GAB2: variants seen among roughly 807,000 people sequenced by gnomAD.
GAB2 encodes GRB2 associated binding protein 2.
A neutral mutation model predicts 65.5 loss-of-function variants in GAB2; 26 were observed. The ratio of observed to expected loss-of-function variants is 0.40; its 90% CI spans 0.29 to 0.55. The LOEUF is 0.55. GAB2 is among the 20% of genes least tolerant of loss of function. GAB2 has a pLI of 0.53. For synonymous variants in GAB2, 321 were observed against 329.6 expected (o/e 0.97, Z 0.28); for missense variants, 884 against 875.8 (o/e 1.01, Z -0.12).
At chr11:78,284,555 C>T (rs758541071) in intron 1 of GAB2, among the ~76,000 whole-genome samples, 14 of 152,190 alleles carry the variant, frequency 9.2e-5, no homozygotes, top group Non-Finnish European at 1.5e-4. Context: ...TCCTGCCTCA[C>T]GGTCTTTAGT....
intron 2 of GAB2, among the ~76,000 whole-genome samples, chr11:78,274,263 GAGAA>G (rs1182522937): frequency 6.6e-6 from 1 of 152,100 alleles, no homozygotes; most frequent in Non-Finnish European, 1.5e-5. Flanking sequence ...ACAAATGAGA[GAGAA>G]AGACAGACAC....
chr11:78,390,546 G>A (rs1288198404), intron 1 of GAB2, among the ~76,000 whole-genome samples: 1 of 152,200 alleles, frequency 6.6e-6, no homozygotes, highest in Non-Finnish European at 1.5e-5. Flanking sequence ...TCAAGATGGT[G>A]CCATTGCACT....
chr11:78,323,057 G>A (rs1250056235), intron 1 of GAB2, among the ~76,000 whole-genome samples: 1 of 152,170 alleles, frequency 6.6e-6, no homozygotes, highest in Admixed American at 6.5e-5. Context: ...AGCAAAGACA[G>A]GGAATCAACC....
At chr11:78,329,213 G>T (rs7117238) in intron 1 of GAB2, among the ~76,000 whole-genome samples, 2 of 151,912 alleles carry the variant, frequency 1.3e-5, no homozygotes, top group Non-Finnish European at 2.9e-5. Flanking sequence ...TAGCAAAAAT[G>T]AAGAACATTT....
intron 2 of GAB2, among the ~76,000 whole-genome samples, chr11:78,261,471 T>A (rs1172178543): frequency 6.6e-6 from 1 of 152,160 alleles, no homozygotes; most frequent in Non-Finnish European, 1.5e-5. Context: ...GTTTTCTGGG[T>A]TGTGTGTATT....
chr11:78,220,443 T>C lies in GAB2; in HGVS notation c.1763A>G (p.Gln588Arg). 1 of 1,570,242 alleles carries C rather than the reference T, an allele frequency of 6.4e-7. No homozygotes were observed. Among genetic ancestry groups the C allele is most frequent in the Non-Finnish European group, 8.7e-7 (1 of 1,150,866 alleles). The change falls in exon 9 of 10, where the codon CAA becomes CGA. Residue 588 changes from glutamine to arginine, a missense_variant and splice_region_variant. Physicochemically the swap from Gln to Arg is conservative, Grantham distance 43. Transcript: ENST00000361507. ...AACGGGAGATGCAGACACTGGGTTT[T>C]GCTGTCACGAGGAGGAAAAAACTGT... Reference protein sequence around the residue: ...GDSEENYVPMQNPVSASPVPS... With the variant: ...GDSEENYVPMRNPVSASPVPS...
At chr11:78,286,366 A>AG (rs1327705061) in intron 1 of GAB2, among the ~76,000 whole-genome samples, 1 of 151,970 alleles carries the variant, frequency 6.6e-6, no homozygotes, top group Non-Finnish European at 1.5e-5. Context: ...GTAGAGCTGG[A>AG]GGTGCTTCTG....
At position 78,367,943 on chromosome 11, in the gene GAB2, AG is replaced by A. The variant is rs968882415; in HGVS notation, c.75+49702del. Among the ~76,000 whole-genome samples, 35 of 148,896 alleles carry A rather than the reference AG, an allele frequency of 2.4e-4. No individual in the cohort carries two copies. The South Asian group carries it at 6.5e-3, about 28-fold the overall frequency. ...GCCATTCTCCTGCCTCAGCCTCCCG[AG>A]TAGCTGGGACTACCGGCACCCGCCA... is the stretch of plus-strand genomic sequence containing the variant. On this transcript the variant is annotated intron_variant, in intron 1 of 9. Transcript: ENST00000361507.
At chr11:78,309,740 T>C (rs1215084503) in intron 1 of GAB2, among the ~76,000 whole-genome samples, 2 of 152,128 alleles carry the variant, frequency 1.3e-5, no homozygotes, top group Admixed American at 6.5e-5. Context: ...TTTCACAAAG[T>C]GGAGAGCTCT....
chr11:78,396,293 C>T (rs1340694215), intron 1 of GAB2, among the ~76,000 whole-genome samples: 1 of 152,240 alleles, frequency 6.6e-6, no homozygotes, highest in Non-Finnish European at 1.5e-5. Flanking sequence ...GCTATATTCA[C>T]ATCTGAATCA....
intron 2 of GAB2, among the ~76,000 whole-genome samples, chr11:78,280,130 C>T (rs1409175200): frequency 6.6e-6 from 1 of 152,206 alleles, no homozygotes; most frequent in Non-Finnish European, 1.5e-5. Flanking sequence ...TAAATGAACA[C>T]TGAATCGTCA....
intron 1 of GAB2, among the ~76,000 whole-genome samples, chr11:78,371,383 G>C (rs573675225): frequency 9.8e-5 from 15 of 152,300 alleles, no homozygotes; most frequent in Middle Eastern, 3.4e-3. Flanking sequence ...TGTATAATCA[G>C]GATATTACAT....
At chr11:78,417,435 C>G (rs987381905) in intron 1 of GAB2, among the ~76,000 whole-genome samples, 1 of 151,958 alleles carries the variant, frequency 6.6e-6, no homozygotes, top group African/African-American at 2.4e-5. Context: ...GCAGGAGCCG[C>G]AGCCTCAACC....
intron 2 of GAB2, among the ~76,000 whole-genome samples, chr11:78,270,309 G>A (rs933018569): frequency 2.0e-5 from 3 of 151,022 alleles, no homozygotes; most frequent in African/African-American, 4.9e-5. Context: ...ACTCCAGCCT[G>A]GGCAACAGAG....
intron 1 of GAB2, among the ~76,000 whole-genome samples, chr11:78,413,241 A>T (rs1359767510): frequency 6.6e-6 from 1 of 152,240 alleles, no homozygotes; most frequent in South Asian, 2.1e-4. Context: ...TGATAACTGA[A>T]GCCAGTAGAA....
intron 1 of GAB2, among the ~76,000 whole-genome samples, chr11:78,308,305 T>A (rs1335046107): frequency 6.6e-6 from 1 of 152,024 alleles, no homozygotes; most frequent in Non-Finnish European, 1.5e-5. Context: ...AGGCTGAGGG[T>A]GCAGTAAGCC....
At chr11:78,231,673 T>G (rs184841792) in intron 3 of GAB2, 2 of 152,318 alleles carry the variant, frequency 1.3e-5, no homozygotes, top group Admixed American at 1.3e-4. Context: ...AAAATGGTTT[T>G]CTAGTTTTTC....
At chr11:78,366,156 G>C (rs1433294479) in intron 1 of GAB2, among the ~76,000 whole-genome samples, 1 of 152,200 alleles carries the variant, frequency 6.6e-6, no homozygotes, top group Non-Finnish European at 1.5e-5. Context: ...CTAGAATAGT[G>C]TTTATACAGA....
intron 1 of GAB2, among the ~76,000 whole-genome samples, chr11:78,371,585 A>G (rs1856571970): frequency 6.6e-6 from 1 of 152,218 alleles, no homozygotes; most frequent in African/African-American, 2.4e-5. Context: ...TATATTTATG[A>G]TCACTCACTA....
Sources: allele counts gnomAD v4.1 joint callset (sites outside exome capture counted in the v4.1 genomes callset), GRCh38; gene constraint gnomAD v4.1.1; transcripts MANE v1.5; gene names NCBI Gene and HGNC (gene_info 2026-07-23, HGNC 2026-07-21).